KCNJ4: variants seen among roughly 807,000 people sequenced by gnomAD.
KCNJ4 encodes the protein inward rectifier potassium channel 4.
Under a neutral mutation model 25.6 loss-of-function variants are expected in KCNJ4, and 3 were observed. That is an observed-to-expected ratio of 0.12 (90% CI 0.05 to 0.30). KCNJ4 has a LOEUF of 0.30. Ranked by LOEUF, KCNJ4 falls within the 10% of genes least tolerant of loss-of-function variation. The pLI, the probability that KCNJ4 is intolerant of heterozygous loss-of-function variation, is 1.00. For missense variants in KCNJ4, 286 were observed against 666.8 expected, an observed-to-expected ratio of 0.43 and a Z score of 6.29; for synonymous variants, 257 against 283.9, an observed-to-expected ratio of 0.91 and a Z score of 0.95.
At chr22:38,428,657 T>C (rs1418871883) in intron 1 of KCNJ4, among the ~76,000 whole-genome samples, 3 of 152,180 alleles carry the variant, frequency 2.0e-5, no homozygotes, top group Admixed American at 6.5e-5. Context: ...TGTGGCTCTT[T>C]ACATTTAATT....
intron 1 of KCNJ4, among the ~76,000 whole-genome samples, chr22:38,438,076 T>C (rs1371934710): frequency 6.6e-6 from 1 of 151,768 alleles, no homozygotes; most frequent in Admixed American, 6.6e-5. Flanking sequence ...CTGTCTCTAC[T>C]AAAAATACAA....
At chr22:38,447,073 A>T (rs897460182) in intron 1 of KCNJ4, among the ~76,000 whole-genome samples, 2 of 152,140 alleles carry the variant, frequency 1.3e-5, no homozygotes, top group African/African-American at 4.8e-5. Context: ...GGAGCTGGAC[A>T]TGAACCCAGA....
chr22:38,446,100 T>C (rs534559828), intron 1 of KCNJ4, among the ~76,000 whole-genome samples: 1 of 152,330 alleles, frequency 6.6e-6, no homozygotes, highest in East Asian at 1.9e-4. Context: ...CAGCAGTTGC[T>C]TACACATCTC....
At chr22:38,446,595 T>C (rs2089376081) in intron 1 of KCNJ4, among the ~76,000 whole-genome samples, 1 of 152,172 alleles carries the variant, frequency 6.6e-6, no homozygotes, top group African/African-American at 2.4e-5. Flanking sequence ...AAGTAGTTCA[T>C]ATCAACGAGC....
intron 1 of KCNJ4, among the ~76,000 whole-genome samples, chr22:38,441,057 G>C (rs538875804): frequency 6.6e-6 from 1 of 152,136 alleles, no homozygotes; most frequent in African/African-American, 2.4e-5. Context: ...TCTTAGACCC[G>C]GCCCCAGCAG....
intron 1 of KCNJ4, among the ~76,000 whole-genome samples, chr22:38,435,888 C>T (rs2145937650): frequency 6.6e-6 from 1 of 152,150 alleles, no homozygotes; most frequent in South Asian, 2.1e-4. Context: ...GCTCTTTGAG[C>T]TGTACCCCTC....
chr22:38,451,519 G>A (rs1248606911), intron 1 of KCNJ4, among the ~76,000 whole-genome samples: 1 of 152,178 alleles, frequency 6.6e-6, no homozygotes, highest in Non-Finnish European at 1.5e-5. Flanking sequence ...AGTGGGGTGA[G>A]GGGATCTGGA....
intron 1 of KCNJ4, among the ~76,000 whole-genome samples, chr22:38,436,630 A>T (rs1397006932): frequency 6.6e-6 from 1 of 152,172 alleles, no homozygotes; most frequent in African/African-American, 2.4e-5. Context: ...CCTGTGGTAC[A>T]CCTAGCCCCT....
In KCNJ4 at chr22:38,455,109, C is replaced by G. The variant is rs1014993327; in HGVS notation, c.-169G>C. 6.7e-5 allele frequency: 10 copies of G among 149,828 alleles called. No individual in the cohort carries two copies. Among genetic ancestry groups the G allele is most frequent in the Non-Finnish European group, 1.0e-4 (7 of 67,110 alleles). 9.3% of individuals were successfully genotyped at this position (149,828 alleles called of 1,614,324 possible). A position where few individuals can be genotyped will look rare whatever the true frequency, so the allele number is the denominator to read the frequency against. ...GGCGCCCCCTGCCCGCGAACTCGGC[C>G]GGCCGGCCCGCGCTCCCCTCCCCGG... On this transcript the variant is annotated 5_prime_UTR_variant, in exon 1 of 2. Transcript: ENST00000303592.
rs1419768816 is a variant in KCNJ4 at position 38,443,958 on chromosome 22, C to A, written c.-40+11022G>T. 6.6e-6 allele frequency among the ~76,000 whole-genome samples: 1 copy of A among 152,178 alleles called. No homozygotes were observed. Among genetic ancestry groups the A allele is most frequent in the Non-Finnish European group, 1.5e-5 (1 of 68,040 alleles). ...CACGGGAAGAGACCTTCCTTCCCGT[C>A]CCTTTAACGCACCAAGTTTATTCCT... On this transcript the variant is annotated intron_variant, in intron 1 of 1. Coordinates refer to ENST00000303592, the MANE Select transcript of KCNJ4 (RefSeq NM_152868.3). The surrounding 1 kb of genome is among the most constrained non-coding windows in gnomAD (Gnocchi z 4.1).
intron 1 of KCNJ4, among the ~76,000 whole-genome samples, chr22:38,446,027 G>C (rs2089372134): frequency 6.6e-6 from 1 of 152,188 alleles, no homozygotes; most frequent in African/African-American, 2.4e-5. Flanking sequence ...TTGGGGTCTG[G>C]TTCCAATTTT....
intron 1 of KCNJ4, among the ~76,000 whole-genome samples, chr22:38,438,173 G>A (rs890469442): frequency 6.8e-6 from 1 of 147,408 alleles, no homozygotes; most frequent in Non-Finnish European, 1.5e-5. Flanking sequence ...TGGGAGGGGG[G>A]AGGTTGCAGT....
At chr22:38,439,499 G>A (rs772820343) in intron 1 of KCNJ4, among the ~76,000 whole-genome samples, 2 of 151,420 alleles carry the variant, frequency 1.3e-5, no homozygotes, top group South Asian at 2.1e-4. Flanking sequence ...CATTCCGGCC[G>A]GGCATGGTGG....
Position 38,427,182 on chromosome 22 carries a change from G to A in KCNJ4, c.951C>T (p.Arg317=). The A allele has an allele frequency of 1.9e-6, 3 of 1,613,396 alleles. No homozygotes were observed. Among genetic ancestry groups the A allele is most frequent in the Non-Finnish European group, 2.5e-6 (3 of 1,180,034 alleles). The change falls in exon 2 of 2, where the codon CGC becomes CGT. Residue 317 remains arginine, a synonymous_variant. Transcript: ENST00000303592. ...TCTCCTCGAAGACCACAGGCTCAAA[G>A]CGGTGGCCCCACAGGATCTCGCTGG... is the stretch of plus-strand genomic sequence containing the variant. The part of the protein sequence containing the change: ...YLASEILWGH[R]FEPVVFEEKS...
intron 1 of KCNJ4, among the ~76,000 whole-genome samples, chr22:38,451,311 T>G (rs553069199): frequency 1.3e-5 from 2 of 152,206 alleles, no homozygotes; most frequent in East Asian, 3.9e-4. Flanking sequence ...GAGCCCACTA[T>G]CTCACAAAAC....
In KCNJ4 at chr22:38,427,895, T is replaced by C; in HGVS notation, c.238A>G (p.Ile80Val). Reference protein sequence around the residue: ...WLFFGLLFWCIAFFHGDLEAS... With the variant: ...WLFFGLLFWCVAFFHGDLEAS... ...TCCAGGTCACCGTGGAAGAAGGCGA[T>C]ACACCAGAAGAGGAGGCCGAAAAAG... Residue 80 changes from isoleucine (I) to valine (V), a missense_variant, in exon 2 of 2, where the codon ATC becomes GTC. Transcript: ENST00000303592. 5.6e-6 allele frequency: 9 copies of C among 1,612,362 alleles called. No individual in the cohort carries two copies. Among genetic ancestry groups the C allele is most frequent in the Non-Finnish European group, 7.6e-6 (9 of 1,178,918 alleles).
intron 1 of KCNJ4, among the ~76,000 whole-genome samples, chr22:38,447,576 G>C (rs962224427): frequency 2.0e-5 from 3 of 152,122 alleles, no homozygotes; most frequent in African/African-American, 7.2e-5. Context: ...GAGAGGGGAG[G>C]CTCCTGGGGG....
chr22:38,426,889 C>A lies in KCNJ4; in HGVS notation c.1244G>T (p.Arg415Leu). The A allele has an allele frequency of 6.2e-7, 1 of 1,613,190 alleles. No homozygotes were observed. The highest frequency in any genetic ancestry group is 8.5e-7 in the Non-Finnish European group (1 of 1,179,948). ...AGSKEEAGII[R>L]MLEFGSHLDL... is the part of the protein sequence containing the mutation. ...CAGGTGGCTGCCGAACTCCAGCATC[C>A]GGATGATGCCCGCCTCCTCCTTGGA... Residue 415 changes from arginine to leucine, a missense_variant, in exon 2 of 2, where the codon CGG (arginine) becomes CTG (leucine). Arg to Leu is a moderately radical substitution (Grantham distance 102, BLOSUM62 -2). This residue lies in a region of KCNJ4 where 77 missense variants were observed against 97.6 expected (regional missense o/e 0.79). Coordinates refer to ENST00000303592, the MANE Select transcript of KCNJ4 (RefSeq NM_152868.3).
At chr22:38,436,418 C>T (rs1263429648) in intron 1 of KCNJ4, among the ~76,000 whole-genome samples, 1 of 152,208 alleles carries the variant, frequency 6.6e-6, no homozygotes, top group Non-Finnish European at 1.5e-5. Flanking sequence ...CTGTTCCACA[C>T]AGAGCTGGGC....
Sources: gnomAD v4.1 joint callset for allele counts (sites outside exome capture counted in the v4.1 genomes callset) on GRCh38, gnomAD v4.1.1 for gene constraint, gnomAD v4.1.1 regional missense constraint, Gnocchi (gnomAD v3.1) non-coding constraint, MANE v1.5 for transcripts, NCBI Gene and HGNC (gene_info 2026-07-23, HGNC 2026-07-21) for gene names.